Variants in ITGA9 observed in about 807,000 individuals in gnomAD.
ITGA9 encodes the protein integrin subunit alpha 9.
In ITGA9, 56 loss-of-function variants were observed where a neutral mutation model predicts 127.8. The observed-to-expected ratio is 0.44, with a 90% CI of 0.35 to 0.55. ITGA9 has a LOEUF of 0.55. Among genes scored for constraint, ITGA9 ranks in the 20% least tolerant of loss-of-function variants. The pLI, the probability that ITGA9 is intolerant of heterozygous loss-of-function variation, is 0.00. For missense variants in ITGA9, 1,196 were observed against 1,347.1 expected (o/e 0.89, Z 1.76); for synonymous variants, 508 against 514.5 (o/e 0.99, Z 0.17).
At chr3:37,527,157 A>C (rs973832208) in intron 13 of ITGA9, among the ~76,000 whole-genome samples, 2 of 152,222 alleles carry the variant, frequency 1.3e-5, no homozygotes, top group African/African-American at 2.4e-5. Flanking sequence ...TCCTTGACTT[A>C]GGATGGGGTT....
chr3:37,508,351 G>C (rs1451346436), intron 7 of ITGA9, among the ~76,000 whole-genome samples: 2 of 152,202 alleles, frequency 1.3e-5, no homozygotes, highest in African/African-American at 4.8e-5. Flanking sequence ...GAGCAGTGGA[G>C]GTGATGTCTG....
chr3:37,571,759 T>C (rs907873988), intron 15 of ITGA9, among the ~76,000 whole-genome samples: 4 of 152,076 alleles, frequency 2.6e-5, no homozygotes, highest in Non-Finnish European at 5.9e-5. Flanking sequence ...TTCTGCTTTC[T>C]TAGGCACTAG....
chr3:37,595,850 C>G (rs746330540), intron 15 of ITGA9, among the ~76,000 whole-genome samples: 8 of 152,234 alleles, frequency 5.3e-5, no homozygotes, highest in Non-Finnish European at 1.2e-4. Context: ...GTGTTTGTCT[C>G]CCTCTGTGCC....
intron 23 of ITGA9, among the ~76,000 whole-genome samples, chr3:37,756,325 AT>A (rs1696652372): frequency 6.6e-6 from 1 of 152,226 alleles, no homozygotes; most frequent in African/African-American, 2.4e-5. Context: ...CATAAATGAA[AT>A]TTTATATAAC....
Position 37,524,194 on chromosome 3 carries a change from T to C in ITGA9, c.1327+583T>C, listed in dbSNP as rs145697144. Among the ~76,000 whole-genome samples the C allele has an allele frequency of 3.7e-3, 568 of 152,336 alleles. 3 individuals are homozygous for C. The highest frequency in any genetic ancestry group is 4.4e-3 in the Non-Finnish European group (298 of 68,030). On this transcript the variant is annotated intron_variant, in intron 12 of 27. Coordinates refer to ENST00000264741, the MANE Select transcript of ITGA9 (RefSeq NM_002207.3). ...TGATTTCAAACCCAACCCCAAGTGA[T>C]ATCTGGCCTAGGTCAAATTGCCTGG...
chr3:37,527,939 C>T (rs1052154673), intron 13 of ITGA9, among the ~76,000 whole-genome samples: 1 of 152,114 alleles, frequency 6.6e-6, no homozygotes, highest in African/African-American at 2.4e-5. Context: ...GTGCACACCA[C>T]CACACCTGGC....
At chr3:37,638,851 A>G (rs1442469385) in intron 16 of ITGA9, among the ~76,000 whole-genome samples, 1 of 152,212 alleles carries the variant, frequency 6.6e-6, no homozygotes, top group Non-Finnish European at 1.5e-5. Flanking sequence ...GTACATGTTA[A>G]GTACAGGCTT....
At chr3:37,508,792 C>T (rs1032051114) in intron 8 of ITGA9, among the ~76,000 whole-genome samples, 165 bp downstream of exon 8, 1 of 152,128 alleles carries the variant, frequency 6.6e-6, no homozygotes, top group Non-Finnish European at 1.5e-5. Context: ...TATGTGTAAT[C>T]TGTACATTCA....
In ITGA9 at chr3:37,678,219, T is replaced by A. The variant is rs188618395; in HGVS notation, c.1917-5646T>A. ...TATAATTTTTGGGTTATATGACAAT[T>A]CTATGTTTAATTATTTTGAGAAATG... On this transcript the variant is annotated intron_variant, in intron 17 of 27. Coordinates refer to ENST00000264741, the MANE Select transcript of ITGA9 (RefSeq NM_002207.3). 1.8e-3 allele frequency among the ~76,000 whole-genome samples: 271 copies of A among 152,350 alleles called. 2 individuals are homozygous for A. Among genetic ancestry groups the A allele is most frequent in the African/African-American group, 6.2e-3 (258 of 41,580 alleles).
At chr3:37,652,658 G>A (rs2125646980) in intron 16 of ITGA9, among the ~76,000 whole-genome samples, 1 of 152,310 alleles carries the variant, frequency 6.6e-6, no homozygotes, top group Non-Finnish European at 1.5e-5. Context: ...TCTGGGCAGG[G>A]AAGAAATAAC....
At chr3:37,637,281 C>G (rs1357970866) in intron 16 of ITGA9, among the ~76,000 whole-genome samples, 4 of 152,122 alleles carry the variant, frequency 2.6e-5, no homozygotes, top group African/African-American at 9.7e-5. Flanking sequence ...AATGTTCTTC[C>G]GTTTGTTTGT....
intron 16 of ITGA9, among the ~76,000 whole-genome samples, chr3:37,631,925 G>C (rs34486464): frequency 6.6e-6 from 1 of 152,060 alleles, no homozygotes; most frequent in South Asian, 2.1e-4. Context: ...AGTGTGGGCG[G>C]CCTCGTTCTC....
chr3:37,618,650 C>A (rs752410505), intron 15 of ITGA9, among the ~76,000 whole-genome samples: 25 of 152,234 alleles, frequency 1.6e-4, no homozygotes, highest in Non-Finnish European at 3.2e-4. Context: ...CCTAGTCAAG[C>A]CTTGGCGATG....
intron 14 of ITGA9, among the ~76,000 whole-genome samples, chr3:37,537,783 A>T (rs976781227): frequency 2.6e-5 from 4 of 152,230 alleles, no homozygotes; most frequent in Non-Finnish European, 4.4e-5. Context: ...ACACAGACAG[A>T]CACAGACTTC....
intron 18 of ITGA9, among the ~76,000 whole-genome samples, chr3:37,684,925 T>C (rs1391429013): frequency 6.6e-6 from 1 of 152,186 alleles, no homozygotes; most frequent in Non-Finnish European, 1.5e-5. Flanking sequence ...ATCCCGAGTG[T>C]ACCACCTCTC....
chr3:37,452,279 C>T lies in ITGA9; in HGVS notation c.-96C>T. On this transcript the variant is annotated 5_prime_UTR_variant, in exon 1 of 28. Transcript: ENST00000264741. This position sits in a 1 kb window ranked among gnomAD's most constrained non-coding sequence, Gnocchi z 7.3. ...CGCCCGTGTCCAGGCGCAGAGCTCC[C>T]GCCCCGGGGAGCTTCCTGGCCGTCG... 2 of 671,850 alleles carry T rather than the reference C, an allele frequency of 3.0e-6. No homozygotes were observed. The highest frequency in any genetic ancestry group is 3.7e-6 in the Non-Finnish European group (2 of 542,152). 41.6% of individuals were successfully genotyped at this position (671,850 alleles called of 1,614,324 possible).
At chr3:37,488,523 G>A (rs921872092) in intron 4 of ITGA9, among the ~76,000 whole-genome samples, 18 of 152,086 alleles carry the variant, frequency 1.2e-4, no homozygotes, top group African/African-American at 4.1e-4. Flanking sequence ...TTGGCCAGGC[G>A]TGGTGGCTCA....
intron 15 of ITGA9, among the ~76,000 whole-genome samples, chr3:37,543,564 G>A (rs558206401): frequency 2.0e-5 from 3 of 152,196 alleles, no homozygotes; most frequent in Non-Finnish European, 4.4e-5. Context: ...TGGTTGGGCT[G>A]TATATAATTG....
intron 17 of ITGA9, among the ~76,000 whole-genome samples, chr3:37,669,431 A>G (rs1404083426): frequency 6.6e-6 from 1 of 152,178 alleles, no homozygotes; most frequent in Non-Finnish European, 1.5e-5. Context: ...TCCCTGCCCC[A>G]GCCTGGTTCC....
Sources: allele counts gnomAD v4.1 joint callset (sites outside exome capture counted in the v4.1 genomes callset), GRCh38; gene constraint gnomAD v4.1.1; non-coding constraint Gnocchi (gnomAD v3.1); transcripts MANE v1.5; gene names NCBI Gene and HGNC (gene_info 2026-07-23, HGNC 2026-07-21).